ATP8B1: variants seen among roughly 807,000 people sequenced by gnomAD.
ATP8B1 encodes phospholipid-transporting ATPase IC.
ATP8B1 carries 80 observed loss-of-function variants against 149.9 expected under a neutral mutation model. The observed-to-expected ratio is 0.53, with a 90% CI of 0.45 to 0.64. ATP8B1 has a LOEUF of 0.64. Ranked by LOEUF, ATP8B1 falls within the 30% of genes least tolerant of loss-of-function variation. ATP8B1 has a pLI of 0.00. For synonymous variants in ATP8B1, 536 were observed against 562.8 expected, an observed-to-expected ratio of 0.95 and a Z score of 0.67; for missense variants, 1,247 against 1,552.6, an observed-to-expected ratio of 0.80 and a Z score of 3.31.
At chr18:57,780,152 A>T (rs1202222718) in intron 1 of ATP8B1, among the ~76,000 whole-genome samples, 2 of 152,350 alleles carry the variant, frequency 1.3e-5, no homozygotes, top group African/African-American at 4.8e-5. Context: ...ATGTCAATAA[A>T]TGTAGAGGAA....
intron 24 of ATP8B1, 127 bp from the exon 25 acceptor site, chr18:57,652,856 AG>A (rs2122566124): frequency 8.6e-7 from 1 of 1,161,386 alleles, no homozygotes; most frequent in East Asian, 2.4e-5. Flanking sequence ...AAACTGAACA[AG>A]ATAATCGATC....
At chr18:57,673,174 A>C (rs2122739208) in intron 16 of ATP8B1, among the ~76,000 whole-genome samples, 1 of 151,614 alleles carries the variant, frequency 6.6e-6, no homozygotes, top group East Asian at 1.9e-4. Flanking sequence ...ACGCAAATGG[A>C]GGGATAGCCT....
chr18:57,777,965 G>A (rs923444764), intron 1 of ATP8B1, among the ~76,000 whole-genome samples: 10 of 152,274 alleles, frequency 6.6e-5, no homozygotes, highest in African/African-American at 9.6e-5. Context: ...CAAATAATAG[G>A]TGGAACAAAA....
At chr18:57,663,693 C>T (rs1469474040) in intron 20 of ATP8B1, among the ~76,000 whole-genome samples, 2 of 151,592 alleles carry the variant, frequency 1.3e-5, no homozygotes, top group Non-Finnish European at 2.9e-5. Flanking sequence ...TGATGAGCCT[C>T]CTTTCACATG....
chr18:57,752,529 A>G (rs2123271585), intron 1 of ATP8B1, among the ~76,000 whole-genome samples: 1 of 152,300 alleles, frequency 6.6e-6, no homozygotes, highest in South Asian at 2.1e-4. Flanking sequence ...GGCCCCAGAT[A>G]TCCACTGAGT....
intron 1 of ATP8B1, among the ~76,000 whole-genome samples, chr18:57,770,836 A>G (rs2080257491): frequency 6.6e-6 from 1 of 152,218 alleles, no homozygotes; most frequent in Non-Finnish European, 1.5e-5. Context: ...AGTTAAAGTC[A>G]CCGTTCTTCT....
chr18:57,652,258 C>T, intron 25 of ATP8B1, 86 bp from the exon 26 acceptor site: 1 of 1,565,318 alleles, frequency 6.4e-7, no homozygotes, highest in Non-Finnish European at 8.8e-7. Flanking sequence ...AAACAGAATT[C>T]AGCAAGTTAG....
intron 1 of ATP8B1, among the ~76,000 whole-genome samples, chr18:57,800,503 T>C (rs1157757064): frequency 2.0e-5 from 3 of 152,176 alleles, no homozygotes; most frequent in African/African-American, 7.2e-5. Flanking sequence ...TCTGTGAATG[T>C]TGCTTATAAA....
chr18:57,694,121 T>A (rs1338834326), intron 11 of ATP8B1, among the ~76,000 whole-genome samples: 1 of 152,212 alleles, frequency 6.6e-6, no homozygotes, highest in Non-Finnish European at 1.5e-5. Flanking sequence ...GGAGTGGTCT[T>A]GAGTGTCCTC....
chr18:57,719,954 C>T (rs2079625867), intron 2 of ATP8B1, among the ~76,000 whole-genome samples: 1 of 152,160 alleles, frequency 6.6e-6, no homozygotes, highest in Admixed American at 6.5e-5. Context: ...CCCCGAGCAG[C>T]CTAACTGGGA....
intron 1 of ATP8B1, among the ~76,000 whole-genome samples, chr18:57,745,547 C>T (rs1474619338): frequency 6.6e-6 from 1 of 152,070 alleles, no homozygotes; most frequent in Non-Finnish European, 1.5e-5. Flanking sequence ...GCTGGGATTA[C>T]AAGAGTGAGC....
At chr18:57,682,296 G>A (rs1046088166) in intron 15 of ATP8B1, among the ~76,000 whole-genome samples, 6 of 152,224 alleles carry the variant, frequency 3.9e-5, no homozygotes, top group African/African-American at 1.2e-4. Context: ...AAGCCACCGC[G>A]CCCAGCCCTG....
At position 57,648,497 on chromosome 18, in the gene ATP8B1, C is replaced by G; in HGVS notation, c.3747G>C (p.Gly1249=). 6.2e-7 allele frequency: 1 copy of G among 1,611,248 alleles called. No individual in the cohort carries two copies. The highest frequency in any genetic ancestry group is 1.1e-5 in the South Asian group (1 of 90,998). The change falls in exon 28 of 28, where the codon GGG becomes GGC. Residue 1249 remains glycine, a synonymous_variant. Transcript: ENST00000648908. The part of the protein sequence containing the change: ...ADGTAEYRRT[G]DS ...GCCTGGGGGTAAGGGATCAGCTGTC[C>G]CCGGTGCGCCTGTACTCCGCGGTGC...
At position 57,652,549 on chromosome 18, in the gene ATP8B1, G is replaced by A; in HGVS notation, c.3196C>T (p.Pro1066Ser). ...LQTVGQDGEA[P>S]SDYQSFAVTI... ...ACGGCAAAAGACTGGTAGTCGGAAGGTGCCTCTCCATCCTGCCCTACGGTT... is the reference window on the plus strand; with the variant it reads ...ACGGCAAAAGACTGGTAGTCGGAAGATGCCTCTCCATCCTGCCCTACGGTT... Residue 1066 changes from proline to serine, a missense_variant, in exon 25 of 28, where the codon CCT (proline) becomes TCT (serine). Coordinates refer to ENST00000648908, the MANE Select transcript of ATP8B1 (RefSeq NM_001374385.1). 1.2e-6 allele frequency: 2 copies of A among 1,614,162 alleles called. No individual in the cohort carries two copies. The highest frequency in any genetic ancestry group is 8.5e-7 in the Non-Finnish European group (1 of 1,180,036).
chr18:57,652,476 C>G lies in ATP8B1; in HGVS notation c.3261+8G>C. 1 of 1,614,132 alleles carries G rather than the reference C, an allele frequency of 6.2e-7. No homozygotes were observed. Among genetic ancestry groups the G allele is most frequent in the South Asian group, 1.1e-5 (1 of 91,072 alleles). On this transcript the variant is annotated splice_region_variant and intron_variant, in intron 25 of 27. Coordinates refer to ENST00000648908, the MANE Select transcript of ATP8B1 (RefSeq NM_001374385.1). ...AGACACTGAATACGGCCAATGAAAG[C>G]CACGTACCTGGAAATTGACTGTTAT... is the stretch of plus-strand genomic sequence containing the variant.
chr18:57,740,346 A>G (rs1356657663), intron 1 of ATP8B1, among the ~76,000 whole-genome samples: 1 of 151,936 alleles, frequency 6.6e-6, no homozygotes, highest in Non-Finnish European at 1.5e-5. Context: ...TATTATTATT[A>G]TTAAAGACAA....
intron 2 of ATP8B1, among the ~76,000 whole-genome samples, chr18:57,727,040 A>C (rs533781894): frequency 1.3e-5 from 2 of 152,332 alleles, no homozygotes; most frequent in Admixed American, 1.3e-4. Context: ...AGATCACGCC[A>C]CTTCACTCCA....
intron 1 of ATP8B1, among the ~76,000 whole-genome samples, chr18:57,772,763 A>G (rs533496482): frequency 6.6e-6 from 1 of 152,258 alleles, no homozygotes; most frequent in South Asian, 2.1e-4. Flanking sequence ...GTGATGGAGA[A>G]GTAACAGGGA....
At chr18:57,730,184 A>C (rs905949515) in intron 2 of ATP8B1, among the ~76,000 whole-genome samples, 1 of 150,198 alleles carries the variant, frequency 6.7e-6, no homozygotes, top group African/African-American at 2.4e-5. Context: ...GGTTAAAATT[A>C]TTAGAAAAAA....
Sources: gnomAD v4.1 joint callset for allele counts (sites outside exome capture counted in the v4.1 genomes callset) on GRCh38, gnomAD v4.1.1 for gene constraint, MANE v1.5 for transcripts, NCBI Gene and HGNC (gene_info 2026-07-23, HGNC 2026-07-21) for gene names.